MACC1: variants seen among roughly 807,000 people sequenced by gnomAD.
MACC1 encodes MET transcriptional regulator MACC1, also known as metastasis-associated in colon cancer protein 1.
A neutral mutation model predicts 70.7 loss-of-function variants in MACC1; 79 were observed. That is an observed-to-expected ratio of 1.12 (90% CI 0.93 to 1.35). The LOEUF is 1.35. Among genes scored for constraint, MACC1 ranks in the 40% most tolerant of loss-of-function variants. The probability of loss-of-function intolerance (pLI) is 0.00; values close to 1 mark genes in which losing one functional copy is unlikely to be tolerated. For missense variants in MACC1, 1,106 were observed against 978.1 expected (o/e 1.13, Z -1.74); for synonymous variants, 361 against 347.2 (o/e 1.04, Z -0.44).
intron 1 of MACC1, among the ~76,000 whole-genome samples, chr7:20,214,666 G>A (rs1783043369): frequency 6.6e-6 from 1 of 152,048 alleles, no homozygotes; most frequent in African/African-American, 2.4e-5. Flanking sequence ...TGCTTATTCT[G>A]TGAGTGTTAT....
chr7:20,154,421 C>G (rs1273251013), intron 5 of MACC1, 40 bp from the exon 6 acceptor site: 2 of 1,574,246 alleles, frequency 1.3e-6, no homozygotes, highest in Non-Finnish European at 1.7e-6. Context: ...AAGCAACTAA[C>G]TTGGGCTTTT....
At chr7:20,179,532 A>T (rs3114457) in intron 1 of MACC1, among the ~76,000 whole-genome samples, 73,877 of 152,008 alleles carry the variant, frequency 0.49, 19,706 homozygotes, top group East Asian at 0.86. Context: ...CTGTCCCATG[A>T]TGGTATTCGA....
chr7:20,159,131 T>C lies in MACC1; in HGVS notation c.1230A>G (p.Lys410=). The C allele has an allele frequency of 6.2e-7, 1 of 1,613,926 alleles. No individual in the cohort carries two copies. Among genetic ancestry groups the C allele is most frequent in the East Asian group, 2.2e-5 (1 of 44,864 alleles). Residue 410 remains lysine, a synonymous_variant, in exon 5 of 7, where the codon AAA becomes AAG. Transcript: ENST00000400331. ...GCTGAAACACAACTGGAGATATGTT[T>C]TTTCCACCCTTCTTAATATCAGAAA... is the stretch of plus-strand genomic sequence containing the variant. ...LTISDIKKGG[K]NISPVVFQLW... is the part of the protein sequence containing the mutation.
At chr7:20,149,123 G>C (rs1781937435) in intron 6 of MACC1, among the ~76,000 whole-genome samples, 1 of 152,056 alleles carries the variant, frequency 6.6e-6, no homozygotes, top group Non-Finnish European at 1.5e-5. Context: ...ATTAAATGTT[G>C]TTAAGCCCAT....
At chr7:20,211,595 G>T (rs1035314853) in intron 1 of MACC1, among the ~76,000 whole-genome samples, 3 of 152,150 alleles carry the variant, frequency 2.0e-5, no homozygotes, top group Non-Finnish European at 4.4e-5. Flanking sequence ...ATCTGGAAAG[G>T]TTATTTGATT....
chr7:20,154,062 G>C (rs1782019420), intron 6 of MACC1, 131 bp downstream of exon 6: 4 of 833,118 alleles, frequency 4.8e-6, no homozygotes, highest in Non-Finnish European at 7.8e-6. Context: ...AGTTACTAGT[G>C]CAGTGATTCA....
At position 20,135,129 on chromosome 7, in the gene MACC1, G is replaced by A. The variant is rs1196334299; in HGVS notation, c.*5817C>T. 1.3e-5 allele frequency: 2 copies of A among 152,018 alleles called. No individual in the cohort carries two copies. The highest frequency in any genetic ancestry group is 1.9e-4 in the East Asian group (1 of 5,188). 9.4% of individuals were successfully genotyped at this position (152,018 alleles called of 1,614,324 possible). A position where few individuals can be genotyped will look rare whatever the true frequency, so the allele number is the denominator to read the frequency against. On this transcript the variant is annotated 3_prime_UTR_variant, in exon 7 of 7. Transcript: ENST00000400331. ...CAAATAACACACTAGGGAAAACAAG[G>A]CTTTTTCCGAAGATATTTTACAGAA...
intron 1 of MACC1, among the ~76,000 whole-genome samples, chr7:20,175,011 G>T (rs1782370165): frequency 6.6e-6 from 1 of 151,844 alleles, no homozygotes; most frequent in African/African-American, 2.4e-5. Context: ...TATCTTCTCA[G>T]TTCTCCTATT....
At chr7:20,177,589 G>A (rs143203924) in intron 1 of MACC1, among the ~76,000 whole-genome samples, 1,953 of 151,894 alleles carry the variant, frequency 0.013, 36 homozygotes, top group African/African-American at 0.045. Flanking sequence ...TATATTTTAT[G>A]TGATATTAAT....
At chr7:20,184,282 T>A (rs903522122) in intron 1 of MACC1, among the ~76,000 whole-genome samples, 1 of 152,114 alleles carries the variant, frequency 6.6e-6, no homozygotes, top group African/African-American at 2.4e-5. Flanking sequence ...AACCCCAAGA[T>A]TAACAACATC....
At chr7:20,188,682 C>T (rs1782626103) in intron 1 of MACC1, among the ~76,000 whole-genome samples, 1 of 152,112 alleles carries the variant, frequency 6.6e-6, no homozygotes, top group South Asian at 2.1e-4. Context: ...TTAATTTTCA[C>T]CCATTCTCCA....
intron 6 of MACC1, among the ~76,000 whole-genome samples, chr7:20,144,876 A>G (rs1246310771): frequency 6.6e-6 from 1 of 152,210 alleles, no homozygotes; most frequent in Non-Finnish European, 1.5e-5. Flanking sequence ...TGGATACAAG[A>G]GAGAAATAGA....
chr7:20,182,788 T>C lies in MACC1; in HGVS notation c.-217-12010A>G, dbSNP rs533142650. On this transcript the variant is annotated intron_variant, in intron 1 of 6. Transcript: ENST00000400331. The stretch of plus-strand genomic sequence containing the variant: ...ACACATGGGAGTCACTTTTCATATA[T>C]GGCCCTTTCACAGAATAGACAATGT... Among the ~76,000 whole-genome samples the C allele has an allele frequency of 5.3e-5, 8 of 152,144 alleles. No individual in the cohort carries two copies. The South Asian group carries it at 1.2e-3, about 24-fold the overall frequency.
chr7:20,158,704 A>G lies in MACC1; in HGVS notation c.1657T>C (p.Tyr553His). Residue 553 changes from tyrosine to histidine, a missense_variant, in exon 5 of 7, where the codon TAT becomes CAT. Transcript: ENST00000400331. Reference sequence around the variant, plus strand: ...AGCACTGCCTTCAGGGTTACCCCATAGTTGCTAAAGTTCAATGTTTTATCT... The same window carrying G: ...AGCACTGCCTTCAGGGTTACCCCATGGTTGCTAAAGTTCAATGTTTTATCT... ...FQDKTLNFSN[Y>H]GVTLKAVLRQ... 6.2e-7 allele frequency: 1 copy of G among 1,613,878 alleles called. No homozygotes were observed. The highest frequency in any genetic ancestry group is 8.5e-7 in the Non-Finnish European group (1 of 1,179,994).
At chr7:20,204,536 C>T (rs1361328452) in intron 1 of MACC1, among the ~76,000 whole-genome samples, 3 of 152,154 alleles carry the variant, frequency 2.0e-5, no homozygotes, top group Non-Finnish European at 4.4e-5. Context: ...CGTCCTGAGA[C>T]ATTGTGTCTC....
At position 20,159,643 on chromosome 7, in the gene MACC1, G is replaced by A. The variant is rs866736011; in HGVS notation, c.718C>T (p.His240Tyr). The A allele has an allele frequency of 6.2e-7, 1 of 1,614,108 alleles. No homozygotes were observed. The highest frequency in any genetic ancestry group is 1.7e-5 in the Admixed American group (1 of 59,994). ...SDITVHVPQG[H>Y]VAVGEFQEVS... ...TCTTGGAATTCTCCCACAGCCACAT[G>A]ACCTTGGGGCACATGAACAGTGATG... Residue 240 changes from histidine to tyrosine, a missense_variant, in exon 5 of 7, where the codon CAT (histidine) becomes TAT (tyrosine). Transcript: ENST00000400331.
At chr7:20,143,712 C>A (rs1048177895) in intron 6 of MACC1, among the ~76,000 whole-genome samples, 11 of 152,220 alleles carry the variant, frequency 7.2e-5, no homozygotes, top group African/African-American at 2.6e-4. Context: ...TTTGTACTAA[C>A]AACAGAGTAG....
chr7:20,151,884 A>G (rs2390257), intron 6 of MACC1, among the ~76,000 whole-genome samples: 98,487 of 151,956 alleles, frequency 0.65, 32,495 homozygotes, highest in East Asian at 0.83. Context: ...AGTGATGGAC[A>G]GAGTGTAATG....
chr7:20,165,095 G>A (rs1782194321), intron 2 of MACC1, among the ~76,000 whole-genome samples: 1 of 152,122 alleles, frequency 6.6e-6, no homozygotes, highest in Non-Finnish European at 1.5e-5. Context: ...GCACCAAAGG[G>A]TCGTTAGCTG....
Sources: gnomAD v4.1 joint callset for allele counts (sites outside exome capture counted in the v4.1 genomes callset) on GRCh38, gnomAD v4.1.1 for gene constraint, MANE v1.5 for transcripts, NCBI Gene and HGNC (gene_info 2026-07-23, HGNC 2026-07-21) for gene names.